KIAA0825: variants seen among roughly 807,000 people sequenced by gnomAD.
KIAA0825 encodes the protein KIAA0825.
A neutral mutation model predicts 147.6 loss-of-function variants in KIAA0825; 119 were observed. The observed-to-expected ratio is 0.81, with a 90% CI of 0.69 to 0.94. The LOEUF is 0.94. Among genes scored for constraint, KIAA0825 ranks in the 40% least tolerant of loss-of-function variants. The probability of loss-of-function intolerance (pLI) is 0.00; values close to 1 mark genes in which losing one functional copy is unlikely to be tolerated. For synonymous variants in KIAA0825, 470 were observed against 518.1 expected, an observed-to-expected ratio of 0.91 and a Z score of 1.26; for missense variants, 1,381 against 1,472.7, an observed-to-expected ratio of 0.94 and a Z score of 1.02.
chr5:94,226,587 T>C (rs912162173), intron 20 of KIAA0825, among the ~76,000 whole-genome samples: 1 of 152,124 alleles, frequency 6.6e-6, no homozygotes, highest in Admixed American at 6.5e-5. Flanking sequence ...TGTGGGACTA[T>C]TCACAATATC....
In KIAA0825 at chr5:94,484,768, C is replaced by A; in HGVS notation, c.1132+1G>T. On this transcript the variant is annotated splice_donor_variant, in intron 6 of 20. Coordinates refer to ENST00000682413, the MANE Select transcript of KIAA0825 (RefSeq NM_001145678.3). LOFTEE classifies it high-confidence loss of function. The stretch of plus-strand genomic sequence containing the variant: ...CAAATTTAAACAAAAGAGGATATTA[C>A]CTGAAGTATCCCTGGTTATCTTGAG... 6 of 1,466,548 alleles carry A rather than the reference C, an allele frequency of 4.1e-6. No individual in the cohort carries two copies. In the South Asian group the frequency reaches 4.1e-5, roughly 10 times the overall value. The allele number at this position is 1,466,548 out of a possible 1,614,324, so 90.8% of individuals were successfully genotyped here.
At chr5:94,275,332 C>A (rs1477885061) in intron 20 of KIAA0825, among the ~76,000 whole-genome samples, 2 of 152,022 alleles carry the variant, frequency 1.3e-5, no homozygotes, top group Admixed American at 1.3e-4. Context: ...CAATGGATAT[C>A]AAAGGAAGGG....
Position 94,396,546 on chromosome 5 carries a change from A to G in KIAA0825, c.2888-37T>C, listed in dbSNP as rs190930065. On this transcript the variant is annotated intron_variant, in intron 16 of 20. Transcript: ENST00000682413. ...AAGAAAAGGTATGATTAATATTAGC[A>G]TTTGCGTTCAATCACTGCATGGTTT... 141 of 1,442,384 alleles carry G rather than the reference A, an allele frequency of 9.8e-5. 1 individual carries two copies. The highest frequency in any genetic ancestry group is 4.6e-6 in the Non-Finnish European group (5 of 1,090,984). The allele number at this position is 1,442,384 out of a possible 1,614,324, so 89.3% of individuals were successfully genotyped here.
intron 5 of KIAA0825, among the ~76,000 whole-genome samples, chr5:94,493,985 T>A (rs1255691347): frequency 6.6e-6 from 1 of 151,948 alleles, no homozygotes; most frequent in Non-Finnish European, 1.5e-5. Context: ...TTTGGAGGGG[T>A]CCAGACAGTA....
At chr5:94,270,070 C>T (rs1415786877) in intron 20 of KIAA0825, among the ~76,000 whole-genome samples, 5 of 152,072 alleles carry the variant, frequency 3.3e-5, no homozygotes, top group African/African-American at 1.2e-4. Flanking sequence ...TTCCTAGACA[C>T]ATATAACCTA....
chr5:94,374,468 C>T (rs1313584305), intron 20 of KIAA0825, among the ~76,000 whole-genome samples: 2 of 152,294 alleles, frequency 1.3e-5, no homozygotes, highest in African/African-American at 4.8e-5. Flanking sequence ...GCTGTGGTAG[C>T]CACAGAATTG....
intron 11 of KIAA0825, 92 bp from the exon 12 acceptor site, chr5:94,462,661 T>A (rs1211751947): frequency 3.2e-6 from 2 of 625,144 alleles, no homozygotes; most frequent in Non-Finnish European, 5.2e-6. Context: ...ACTAAGCATA[T>A]GTAAGAATAG....
intron 20 of KIAA0825, among the ~76,000 whole-genome samples, chr5:94,248,755 G>T (rs1775772102): frequency 6.6e-6 from 1 of 152,050 alleles, no homozygotes. Context: ...TGTGCACTGT[G>T]GTGCTCTAAT....
chr5:94,581,130 AT>A (rs1782088083), intron 2 of KIAA0825, among the ~76,000 whole-genome samples: 1 of 152,150 alleles, frequency 6.6e-6, no homozygotes, highest in South Asian at 2.1e-4. Flanking sequence ...TGAAAAAAAA[AT>A]CAATAGTGAA....
chr5:94,351,603 T>G (rs1783680294), intron 20 of KIAA0825, among the ~76,000 whole-genome samples: 1 of 152,122 alleles, frequency 6.6e-6, no homozygotes. Flanking sequence ...AAAATTCATA[T>G]GGAACCCTAA....
At chr5:94,377,894 T>C (rs1357236872) in intron 20 of KIAA0825, among the ~76,000 whole-genome samples, 1 of 152,206 alleles carries the variant, frequency 6.6e-6, no homozygotes, top group East Asian at 1.9e-4. Flanking sequence ...CTTAAAGTTT[T>C]CTACTTGCAT....
Position 94,507,910 on chromosome 5 carries a change from A to G in KIAA0825, c.970+12338T>C, listed in dbSNP as rs145332727. On this transcript the variant is annotated intron_variant, in intron 5 of 20. Coordinates refer to ENST00000682413, the MANE Select transcript of KIAA0825 (RefSeq NM_001145678.3). Reference sequence around the variant, plus strand: ...AGATGCATCCATAAATCCCACTAGCAATAATGTGCTCCTCTGATCTTAGTG... The same window carrying G: ...AGATGCATCCATAAATCCCACTAGCGATAATGTGCTCCTCTGATCTTAGTG... Among the ~76,000 whole-genome samples the G allele has an allele frequency of 4.6e-3, 699 of 152,320 alleles. 4 individuals are homozygous for G. Among genetic ancestry groups the G allele is most frequent in the South Asian group, 0.015 (74 of 4,832 alleles).
At chr5:94,564,214 G>GT (rs545943328) in intron 2 of KIAA0825, among the ~76,000 whole-genome samples, 29,374 of 105,202 alleles carry the variant, frequency 0.28, 4,842 homozygotes, top group East Asian at 0.35. Context: ...TATTCCCCTT[G>GT]TTTTTTTTTT....
chr5:94,380,807 C>T (rs1748303522), intron 20 of KIAA0825, among the ~76,000 whole-genome samples: 1 of 152,200 alleles, frequency 6.6e-6, no homozygotes, highest in Admixed American at 6.5e-5. Flanking sequence ...TTTAGAGCAT[C>T]ATGAATCGGA....
chr5:94,260,303 A>T (rs1277767661), intron 20 of KIAA0825, among the ~76,000 whole-genome samples: 2 of 152,206 alleles, frequency 1.3e-5, no homozygotes, highest in Non-Finnish European at 2.9e-5. Flanking sequence ...GATTCTCTTT[A>T]TGATGGCACA....
At chr5:94,593,327 T>A in intron 1 of KIAA0825, 8 of 851,280 alleles carry the variant, frequency 9.4e-6, no homozygotes, top group South Asian at 2.6e-5. Flanking sequence ...TTGGAAACCA[T>A]CCAGAACTTA....
At chr5:94,163,600 A>C (rs528711523) in intron 20 of KIAA0825, among the ~76,000 whole-genome samples, 4 of 152,328 alleles carry the variant, frequency 2.6e-5, no homozygotes, top group African/African-American at 9.6e-5. Context: ...TAATTCTGAG[A>C]AACTGTATAA....
At chr5:94,283,494 A>G (rs966239367) in intron 20 of KIAA0825, among the ~76,000 whole-genome samples, 3 of 152,142 alleles carry the variant, frequency 2.0e-5, no homozygotes, top group African/African-American at 7.2e-5. Context: ...GTTAAGATTC[A>G]TGTTCATGTT....
At chr5:94,339,901 A>G (rs1262755381) in intron 20 of KIAA0825, among the ~76,000 whole-genome samples, 1 of 152,172 alleles carries the variant, frequency 6.6e-6, no homozygotes, top group Non-Finnish European at 1.5e-5. Context: ...TCTAAAATAT[A>G]TCCCCATTTT....
Sources: gnomAD v4.1 joint callset for allele counts (sites outside exome capture counted in the v4.1 genomes callset) on GRCh38, gnomAD v4.1.1 for gene constraint, MANE v1.5 for transcripts, NCBI Gene and HGNC (gene_info 2026-07-23, HGNC 2026-07-21) for gene names.